GALNTL6: variants seen among roughly 807,000 people sequenced by gnomAD.
GALNTL6 encodes polypeptide N-acetylgalactosaminyltransferase-like 6.
GALNTL6 carries 46 observed loss-of-function variants against 73.7 expected under a neutral mutation model. That is an observed-to-expected ratio of 0.62 (90% confidence interval 0.49 to 0.80). The LOEUF is 0.80. Among genes scored for constraint, GALNTL6 ranks in the 30% least tolerant of loss-of-function variants. The probability of loss-of-function intolerance (pLI) is 0.00; values close to 1 mark genes in which losing one functional copy is unlikely to be tolerated. For synonymous variants in GALNTL6, 259 were observed against 263.7 expected, an observed-to-expected ratio of 0.98 and a Z score of 0.17; for missense variants, 604 against 755.0, an observed-to-expected ratio of 0.80 and a Z score of 2.34.
intron 3 of GALNTL6, among the ~76,000 whole-genome samples, chr4:172,298,628 A>G (rs922478363): frequency 3.9e-5 from 6 of 152,110 alleles, no homozygotes; most frequent in African/African-American, 9.7e-5. Context: ...AGATAATCAT[A>G]TGGTTTTTGT....
At chr4:171,876,758 C>G (rs1736293217) in intron 2 of GALNTL6, among the ~76,000 whole-genome samples, 1 of 152,188 alleles carries the variant, frequency 6.6e-6, no homozygotes, top group African/African-American at 2.4e-5. Context: ...AATTGATAAA[C>G]ATATTTTTGT....
At chr4:172,027,627 T>TGTCTCTCACTTCA (rs1553985674) in intron 2 of GALNTL6, among the ~76,000 whole-genome samples, 1 of 151,568 alleles carries the variant, frequency 6.6e-6, no homozygotes, top group Admixed American at 6.6e-5. Context: ...AAAAATCACA[T>TGTCTCTCACTTCA]GTCTCTCACT....
At chr4:172,374,990 C>T (rs570398023) in intron 5 of GALNTL6, among the ~76,000 whole-genome samples, 12 of 152,294 alleles carry the variant, frequency 7.9e-5, no homozygotes, top group Non-Finnish European at 1.6e-4. Context: ...AAATTCCCCT[C>T]CCCCTATAGC....
chr4:172,969,945 C>A (rs1433262601), intron 10 of GALNTL6, among the ~76,000 whole-genome samples: 1 of 152,056 alleles, frequency 6.6e-6, no homozygotes, highest in Non-Finnish European at 1.5e-5. Flanking sequence ...AAGAGAAAAA[C>A]CACAAAGAGA....
chr4:172,777,222 T>C (rs2110884779), intron 5 of GALNTL6, among the ~76,000 whole-genome samples: 1 of 152,330 alleles, frequency 6.6e-6, no homozygotes, highest in African/African-American at 2.4e-5. Context: ...GTGTGTATAC[T>C]CTTTACAGGC....
At chr4:172,381,827 GA>G (rs1489762898) in intron 5 of GALNTL6, among the ~76,000 whole-genome samples, 1 of 152,138 alleles carries the variant, frequency 6.6e-6, no homozygotes, top group Non-Finnish European at 1.5e-5. Flanking sequence ...ATGGTATGAA[GA>G]AAATCATTTT....
intron 10 of GALNTL6, among the ~76,000 whole-genome samples, chr4:172,982,109 T>C (rs531606356): frequency 1.1e-4 from 16 of 152,116 alleles, no homozygotes; most frequent in Non-Finnish European, 2.2e-4. Flanking sequence ...ATCTTAACAA[T>C]ATTAAGTCTT....
At chr4:172,461,326 G>T (rs1732607378) in intron 5 of GALNTL6, among the ~76,000 whole-genome samples, 1 of 152,098 alleles carries the variant, frequency 6.6e-6, no homozygotes, top group South Asian at 2.1e-4. Flanking sequence ...TAACAAACCT[G>T]CATGTTCTTC....
At position 172,069,518 on chromosome 4, in the gene GALNTL6, A is replaced by ATATT. The variant is rs1295987435; in HGVS notation, c.139-160135_139-160134insTTAT. Reference sequence around the variant, plus strand: ...GTTATATGTATAACACATATATGTTATATGTATAACACATATATTATATAT... The same window carrying ATATT: ...GTTATATGTATAACACATATATGTTATATTTATGTATAACACATATATTATATAT... On this transcript the variant is annotated intron_variant, in intron 2 of 12. Transcript: ENST00000506823. Among the ~76,000 whole-genome samples the ATATT allele has an allele frequency of 2.1e-4, 9 of 42,322 alleles. 4 individuals carry two copies. Among genetic ancestry groups the ATATT allele is most frequent in the Non-Finnish European group, 4.1e-4 (7 of 17,260 alleles). The allele number at this position is 42,322 out of a possible 152,430, so 27.8% of individuals were successfully genotyped here. A position where few individuals can be genotyped will look rare whatever the true frequency, so the allele number is the denominator to read the frequency against.
intron 2 of GALNTL6, among the ~76,000 whole-genome samples, chr4:171,908,832 A>C (rs1737382765): frequency 6.6e-6 from 1 of 151,396 alleles, no homozygotes; most frequent in South Asian, 2.1e-4. Context: ...TGATGAGTTC[A>C]TGTCCTTTGT....
At chr4:172,654,721 A>T (rs1382470529) in intron 5 of GALNTL6, among the ~76,000 whole-genome samples, 1 of 152,228 alleles carries the variant, frequency 6.6e-6, no homozygotes, top group Non-Finnish European at 1.5e-5. Flanking sequence ...TACTTAAGAG[A>T]AACAAGCAAA....
At chr4:172,744,816 G>A (rs997213413) in intron 5 of GALNTL6, among the ~76,000 whole-genome samples, 1 of 146,458 alleles carries the variant, frequency 6.8e-6, no homozygotes, top group Non-Finnish European at 1.5e-5. Flanking sequence ...AGACACAAAA[G>A]GATAGATTTT....
chr4:172,261,606 C>T (rs1738260548), intron 3 of GALNTL6, among the ~76,000 whole-genome samples: 1 of 150,868 alleles, frequency 6.6e-6, no homozygotes. Flanking sequence ...TCATTTAGTT[C>T]TGCTCTGATC....
chr4:172,740,087 C>T (rs968897650), intron 5 of GALNTL6, among the ~76,000 whole-genome samples: 4 of 151,884 alleles, frequency 2.6e-5, no homozygotes, highest in African/African-American at 9.7e-5. Flanking sequence ...CATCTCGTAC[C>T]GTGTTTTCTG....
chr4:172,181,847 C>G (rs1410751941), intron 2 of GALNTL6, among the ~76,000 whole-genome samples: 1 of 151,600 alleles, frequency 6.6e-6, no homozygotes, highest in African/African-American at 2.4e-5. Flanking sequence ...TCCTGAGTAG[C>G]TGGGACTACA....
In GALNTL6 at chr4:172,511,620, G is replaced by T. The variant is rs1734445462; in HGVS notation, c.553+162931G>T. On this transcript the variant is annotated intron_variant, in intron 5 of 12. Transcript: ENST00000506823. The stretch of plus-strand genomic sequence containing the variant: ...GCATGACTTTTGCTGTATCCCAGAG[G>T]TTTTGATAGGTTGTATCACTATTAT... Among the ~76,000 whole-genome samples, 3 of 54,604 alleles carry T rather than the reference G, an allele frequency of 5.5e-5. 1 individual carries two copies. Among genetic ancestry groups the T allele is most frequent in the African/African-American group, 1.4e-4 (3 of 21,944 alleles). 35.8% of individuals were successfully genotyped at this position (54,604 alleles called of 152,430 possible).
At chr4:172,792,316 C>CATATATATGCATATATGT (rs1740038782) in intron 5 of GALNTL6, among the ~76,000 whole-genome samples, 1 of 118,334 alleles carries the variant, frequency 8.5e-6, no homozygotes, top group Non-Finnish European at 1.7e-5. Context: ...CATATACACA[C>CATATATATGCATATATGT]ATATATATGC....
intron 2 of GALNTL6, among the ~76,000 whole-genome samples, chr4:172,134,000 C>T (rs988971425): frequency 6.6e-6 from 1 of 152,060 alleles, no homozygotes; most frequent in Non-Finnish European, 1.5e-5. Context: ...TCTGACAAGT[C>T]CTCAGAAAAT....
intron 5 of GALNTL6, among the ~76,000 whole-genome samples, chr4:172,607,584 A>G (rs980575148): frequency 2.0e-5 from 3 of 152,162 alleles, no homozygotes; most frequent in Admixed American, 2.0e-4. Flanking sequence ...TCTTTATGGT[A>G]GAATGATTTC....
Sources: gnomAD v4.1 joint callset for allele counts (sites outside exome capture counted in the v4.1 genomes callset) on GRCh38, gnomAD v4.1.1 for gene constraint, MANE v1.5 for transcripts, NCBI Gene and HGNC (gene_info 2026-07-23, HGNC 2026-07-21) for gene names.